Variants in CNTNAP3 observed in about 807,000 individuals in gnomAD.
The protein encoded by CNTNAP3 is contactin associated protein family member 3.
CNTNAP3 carries 36 observed loss-of-function variants against 92.1 expected under a neutral mutation model. The observed-to-expected ratio is 0.39, with a 90% CI of 0.30 to 0.52. The LOEUF is 0.52. CNTNAP3 is among the 20% of genes least tolerant of loss of function. The pLI is 0.76. For missense variants in CNTNAP3, 534 were observed against 1,069.6 expected, an observed-to-expected ratio of 0.50 and a Z score of 6.98; for synonymous variants, 232 against 422.3, an observed-to-expected ratio of 0.55 and a Z score of 5.53.
chr9:39,143,277 T>C (rs1361063230), intron 11 of CNTNAP3, among the ~76,000 whole-genome samples: 4 of 151,802 alleles, frequency 2.6e-5, no homozygotes, highest in Non-Finnish European at 5.9e-5. Flanking sequence ...CTTAAATGTC[T>C]ACCAGAAGCA....
intron 10 of CNTNAP3, among the ~76,000 whole-genome samples, chr9:39,149,232 A>G (rs1392012848): frequency 5.9e-5 from 9 of 152,212 alleles, no homozygotes; most frequent in Admixed American, 2.0e-4. Flanking sequence ...AGCGAGCTTG[A>G]TAACTATTAG....
At chr9:39,121,203 TA>T (rs1314487005) in intron 13 of CNTNAP3, among the ~76,000 whole-genome samples, 1 of 149,624 alleles carries the variant, frequency 6.7e-6, no homozygotes, top group African/African-American at 2.5e-5. Context: ...AGGTTAAAAG[TA>T]AAAGGATGGA....
At chr9:39,089,006 T>C (rs1168272801) in intron 18 of CNTNAP3, among the ~76,000 whole-genome samples, 2 of 152,278 alleles carry the variant, frequency 1.3e-5, no homozygotes, top group African/African-American at 4.8e-5. Context: ...AAATTATTAA[T>C]TTTTAAACAT....
chr9:39,088,076 G>A, intron 19 of CNTNAP3, among the ~76,000 whole-genome samples: 1 of 152,080 alleles, frequency 6.6e-6, no homozygotes, highest in Non-Finnish European at 1.5e-5. Flanking sequence ...TTAGAATGAG[G>A]AGGGAATGTA....
At chr9:39,109,407 T>C in intron 14 of CNTNAP3, 120 bp from the exon 15 acceptor site, 4 of 1,460,296 alleles carry the variant, frequency 2.7e-6, no homozygotes, top group South Asian at 1.4e-5. Flanking sequence ...TACTTAACAT[T>C]TTCAATATTT....
intron 18 of CNTNAP3, 66 bp downstream of exon 18, chr9:39,099,845 A>G: frequency 6.4e-7 from 1 of 1,568,744 alleles, no homozygotes; most frequent in Non-Finnish European, 8.6e-7. Context: ...CAAATGCCAG[A>G]AGCATTCTTC....
intron 16 of CNTNAP3, among the ~76,000 whole-genome samples, 193 bp from the exon 17 acceptor site, chr9:39,102,908 T>C (rs1430588976): frequency 1.3e-5 from 2 of 152,112 alleles, no homozygotes; most frequent in African/African-American, 4.8e-5. Context: ...GATTTTAACA[T>C]ATTTATCCTC....
intron 18 of CNTNAP3, among the ~76,000 whole-genome samples, chr9:39,094,859 C>A (rs1312393220): frequency 6.6e-6 from 1 of 151,348 alleles, no homozygotes; most frequent in Non-Finnish European, 1.5e-5. Context: ...TTGATAGGGG[C>A]TTTTTCATTT....
At chr9:39,109,412 A>T (rs1016287058) in intron 14 of CNTNAP3, 125 bp from the exon 15 acceptor site, 1 of 1,442,552 alleles carries the variant, frequency 6.9e-7, no homozygotes, top group Non-Finnish European at 9.3e-7. Context: ...AACATTTTCA[A>T]TATTTTGAGA....
Position 39,253,167 on chromosome 9 carries a change from T to TAC in CNTNAP3, c.196+13727_196+13728dup, listed in dbSNP as rs1325434277. Among the ~76,000 whole-genome samples the TAC allele has an allele frequency of 1.1e-3, 8 of 7,522 alleles. 2 individuals carry two copies. The highest frequency in any genetic ancestry group is 1.3e-3 in the African/African-American group (8 of 6,192). 4.9% of individuals were successfully genotyped at this position (7,522 alleles called of 152,430 possible). A position where few individuals can be genotyped will look rare whatever the true frequency, so the allele number is the denominator to read the frequency against. The stretch of plus-strand genomic sequence containing the variant: ...CTAAATATATATATATATATATATA[T>TAC]ACACACACACACACACATATAGTAT... On this transcript the variant is annotated intron_variant, in intron 2 of 23. Transcript: ENST00000297668.
intron 14 of CNTNAP3, among the ~76,000 whole-genome samples, chr9:39,111,377 ATTAT>A (rs1369546470): frequency 6.6e-6 from 1 of 152,238 alleles, no homozygotes; most frequent in East Asian, 1.9e-4. Context: ...AAGTGGCTAT[ATTAT>A]TTAAGATTAT....
chr9:39,205,169 C>CT (rs1270364757), intron 3 of CNTNAP3, among the ~76,000 whole-genome samples: 8 of 8,872 alleles, frequency 9.0e-4, no homozygotes, highest in African/African-American at 1.1e-3. Context: ...TTCTTTTTTT[C>CT]TTTTTTTTTT....
At chr9:39,110,477 GA>G (rs1462650298) in intron 14 of CNTNAP3, among the ~76,000 whole-genome samples, 1 of 152,104 alleles carries the variant, frequency 6.6e-6, no homozygotes, top group Non-Finnish European at 1.5e-5. Flanking sequence ...GGGAATTGAG[GA>G]CACAGAGTAA....
intron 10 of CNTNAP3, among the ~76,000 whole-genome samples, chr9:39,146,533 C>CA (rs201176298): frequency 0.15 from 21,991 of 151,486 alleles, 1,742 homozygotes; most frequent in East Asian, 0.2. Context: ...ACTAAAAATA[C>CA]AAAAAATTAG....
rs1268201639 is a variant in CNTNAP3 at position 39,065,919 on chromosome 9, A to T, written c.*7971T>A. On this transcript the variant is annotated 3_prime_UTR_variant, in exon 24 of 24. Coordinates refer to ENST00000297668, the MANE Select transcript of CNTNAP3 (RefSeq NM_033655.5). Reference sequence around the variant, plus strand: ...TCTCCCAGTCTGTAGCTTGACTCTTATTCTCTTAACAATGTATTTTAAAAG... The same window carrying T: ...TCTCCCAGTCTGTAGCTTGACTCTTTTTCTCTTAACAATGTATTTTAAAAG... Among the ~76,000 whole-genome samples, 1 of 152,178 alleles carries T rather than the reference A, an allele frequency of 6.6e-6. No individual in the cohort carries two copies.
At chr9:39,159,677 T>C (rs1292342203) in intron 9 of CNTNAP3, 3 of 145,006 alleles carry the variant, frequency 2.1e-5, no homozygotes, top group Non-Finnish European at 4.5e-5. Context: ...GATAGATATA[T>C]GTAATCTTTT....
intron 18 of CNTNAP3, among the ~76,000 whole-genome samples, chr9:39,095,373 T>C (rs1421230070): frequency 6.6e-6 from 1 of 151,568 alleles, no homozygotes; most frequent in Non-Finnish European, 1.5e-5. Context: ...TAAATAGAGG[T>C]GGTAAAACTG....
chr9:39,081,629 G>C (rs1825937528), intron 21 of CNTNAP3, among the ~76,000 whole-genome samples: 1 of 151,676 alleles, frequency 6.6e-6, no homozygotes, highest in Non-Finnish European at 1.5e-5. Context: ...TTGAGATAGG[G>C]TTGTCTTCCC....
chr9:39,138,587 C>G (rs1349401172), intron 12 of CNTNAP3, among the ~76,000 whole-genome samples: 3 of 152,186 alleles, frequency 2.0e-5, no homozygotes, highest in Non-Finnish European at 4.4e-5. Context: ...TTTTCACCTT[C>G]CCTTTCTGGA....
Sources: gnomAD v4.1 joint callset for allele counts (sites outside exome capture counted in the v4.1 genomes callset) on GRCh38, gnomAD v4.1.1 for gene constraint, MANE v1.5 for transcripts, NCBI Gene and HGNC (gene_info 2026-07-23, HGNC 2026-07-21) for gene names.